The following POLA1 variants were observed in gnomAD, a reference collection of about 807,000 sequenced individuals.
The protein encoded by POLA1 is DNA polymerase alpha catalytic subunit.
A neutral mutation model predicts 124.0 loss-of-function variants in POLA1; 15 were observed. The ratio of observed to expected loss-of-function variants is 0.12; its 90% confidence interval spans 0.08 to 0.19. The LOEUF is 0.19. Ranked by LOEUF, POLA1 falls within the 10% of genes least tolerant of loss-of-function variation. The probability of loss-of-function intolerance (pLI) is 1.00; values close to 1 mark genes in which losing one functional copy is unlikely to be tolerated. For missense variants in POLA1, 886 were observed against 1,103.4 expected, an observed-to-expected ratio of 0.80 and a Z score of 2.79; for synonymous variants, 408 against 389.4, an observed-to-expected ratio of 1.05 and a Z score of -0.56.
chrX:24,732,237 G>C, intron 15 of POLA1, 133 bp from the exon 16 acceptor site: 1 of 456,025 alleles, frequency 2.2e-6, no homozygotes, highest in Non-Finnish European at 3.9e-6. Flanking sequence ...TTACAGGCAT[G>C]AGCCACCACG....
At chrX:24,735,520 G>C (rs1931218791) in intron 18 of POLA1, 32 bp downstream of exon 18, 2 of 844,590 alleles carry the variant, frequency 2.4e-6, no homozygotes, top group East Asian at 6.3e-5. Flanking sequence ...TTGTGGGGAA[G>C]CTCTTCATTT....
chrX:24,730,772 C>T (rs984685636), intron 15 of POLA1, among the ~76,000 whole-genome samples: 1 of 112,385 alleles, frequency 8.9e-6, no homozygotes, highest in African/African-American at 3.2e-5. Context: ...TGCAACACAT[C>T]AGATCCATGA....
chrX:24,995,726 A>C (rs2048598038), intron 36 of POLA1, 79 bp from the exon 37 acceptor site: 1 of 888,283 alleles, frequency 1.1e-6, no homozygotes, highest in South Asian at 2.4e-5. Flanking sequence ...TGGAATCAGC[A>C]TCCCCTTCTC....
At chrX:24,901,117 T>C (rs2047271717) in intron 35 of POLA1, among the ~76,000 whole-genome samples, 2 of 111,772 alleles carry the variant, frequency 1.8e-5, no homozygotes, top group South Asian at 7.5e-4. Flanking sequence ...CATTCCAGTG[T>C]GGGGAGACAG....
intron 18 of POLA1, 31 bp downstream of exon 18, chrX:24,735,519 A>G (rs773758988): frequency 1.9e-5 from 16 of 848,538 alleles, no homozygotes; most frequent in Non-Finnish European, 2.6e-5. Context: ...GTTGTGGGGA[A>G]GCTCTTCATT....
intron 4 of POLA1, among the ~76,000 whole-genome samples, chrX:24,710,647 A>G (rs1363024863): frequency 9.5e-6 from 1 of 105,137 alleles, no homozygotes; most frequent in Non-Finnish European, 1.9e-5. Context: ...TAGGAGTGAA[A>G]TTGTGTATAT....
intron 36 of POLA1, among the ~76,000 whole-genome samples, chrX:24,986,880 C>G (rs1051245090): frequency 3.6e-5 from 4 of 111,029 alleles, no homozygotes; most frequent in Non-Finnish European, 7.5e-5. Flanking sequence ...TACTGAGTTC[C>G]CCTGTATTTC....
At chrX:24,741,542 G>A (rs1931659167) in intron 21 of POLA1, 38 bp downstream of exon 21, 2 of 1,139,950 alleles carry the variant, frequency 1.8e-6, no homozygotes, top group Non-Finnish European at 1.2e-6. Context: ...AGCATTTCCT[G>A]TTGGATTCAG....
intron 36 of POLA1, among the ~76,000 whole-genome samples, chrX:24,944,446 G>A (rs938281850): frequency 5.4e-5 from 6 of 110,860 alleles, no homozygotes; most frequent in South Asian, 3.8e-4. Flanking sequence ...TGAAACTTTT[G>A]TGTGTTGATC....
chrX:24,826,653 A>T (rs1265707310), intron 32 of POLA1, 52 bp downstream of exon 32: 7 of 834,819 alleles, frequency 8.4e-6, no homozygotes, highest in Non-Finnish European at 1.2e-5. Flanking sequence ...GGGCACATGT[A>T]GTCTTCCTTG....
At chrX:24,913,457 A>G (rs2047479871) in intron 35 of POLA1, among the ~76,000 whole-genome samples, 1 of 110,938 alleles carries the variant, frequency 9.0e-6, no homozygotes, top group South Asian at 3.9e-4. Flanking sequence ...CACACCTGTA[A>G]TCCCAGCACT....
intron 32 of POLA1, among the ~76,000 whole-genome samples, chrX:24,839,490 A>G (rs370594666): frequency 5.7e-4 from 64 of 111,997 alleles, no homozygotes; most frequent in African/African-American, 1.8e-3. Flanking sequence ...GTAAGTAACA[A>G]GATGGCCCAC....
chrX:24,979,533 A>G (rs2048399339), intron 36 of POLA1, among the ~76,000 whole-genome samples: 1 of 112,267 alleles, frequency 8.9e-6, no homozygotes, highest in South Asian at 3.7e-4. Context: ...ATGTGTTGCT[A>G]ACAGATTTTT....
In POLA1 at chrX:24,812,654, A is replaced by C. The variant is rs2045923403; in HGVS notation, c.3091-4A>C. On this transcript the variant is annotated splice_region_variant and splice_polypyrimidine_tract_variant and intron_variant, in intron 28 of 36. Coordinates refer to ENST00000379068, the MANE Select transcript of POLA1 (RefSeq NM_001330360.2). ...GCTAATACTAATATTTGAAATTTTC[A>C]CAGGTAAAAAGTGAAGTGAATAAGT... The C allele has an allele frequency of 1.2e-5, 13 of 1,129,566 alleles. No individual in the cohort carries two copies. Among genetic ancestry groups the C allele is most frequent in the Non-Finnish European group, 1.4e-5 (12 of 827,786 alleles). The allele number at this position is 1,129,566 out of a possible 1,213,427, so 93.1% of individuals were successfully genotyped here.
chrX:24,873,824 A>G (rs1184551361), intron 34 of POLA1, among the ~76,000 whole-genome samples: 5 of 111,863 alleles, frequency 4.5e-5, no homozygotes, highest in Non-Finnish European at 9.4e-5. Flanking sequence ...AATTAACCCA[A>G]TATATCCAAA....
intron 26 of POLA1, among the ~76,000 whole-genome samples, chrX:24,774,152 G>A (rs370971988): frequency 9.0e-6 from 1 of 111,441 alleles, no homozygotes; most frequent in Non-Finnish European, 1.9e-5. Flanking sequence ...CATGCAATAA[G>A]GCCCCACGAG....
intron 35 of POLA1, among the ~76,000 whole-genome samples, chrX:24,895,378 C>G (rs747871030): frequency 8.9e-6 from 1 of 111,876 alleles, no homozygotes; most frequent in Admixed American, 9.5e-5. Flanking sequence ...ATGATGTGTT[C>G]CCAGGAGACT....
chrX:24,846,629 A>C (rs1335297428), intron 34 of POLA1, among the ~76,000 whole-genome samples: 1 of 111,779 alleles, frequency 8.9e-6, no homozygotes, highest in Non-Finnish European at 1.9e-5. Context: ...CCTCCCCTTA[A>C]ATTCTGCTCC....
At chrX:24,901,289 A>G (rs2047274228) in intron 35 of POLA1, among the ~76,000 whole-genome samples, 1 of 111,641 alleles carries the variant, frequency 9.0e-6, no homozygotes, top group East Asian at 2.8e-4. Context: ...AGCAAAGGCC[A>G]GAGGGATGTG....
Sources: gnomAD v4.1 joint callset for allele counts (sites outside exome capture counted in the v4.1 genomes callset) on GRCh38, gnomAD v4.1.1 for gene constraint, MANE v1.5 for transcripts, NCBI Gene and HGNC (gene_info 2026-07-23, HGNC 2026-07-21) for gene names.